Variants in KIAA0232 observed in about 807,000 individuals in gnomAD.
KIAA0232 encodes KIAA0232.
Under a neutral mutation model 122.0 loss-of-function variants are expected in KIAA0232, and 27 were observed. The observed-to-expected ratio is 0.22, with a 90% CI of 0.16 to 0.31. The LOEUF (loss-of-function observed/expected upper bound fraction) is 0.31, where lower values mean the gene tolerates loss of function less well. KIAA0232 is among the 10% of genes least tolerant of loss of function. The pLI is 1.00. For synonymous variants in KIAA0232, 613 were observed against 587.6 expected (o/e 1.04, Z -0.63); for missense variants, 1,551 against 1,634.2 (o/e 0.95, Z 0.88).
intron 1 of KIAA0232, among the ~76,000 whole-genome samples, chr4:6,803,143 T>G (rs142407135): frequency 0.012 from 1,774 of 150,766 alleles, 15 homozygotes; most frequent in South Asian, 0.023. Flanking sequence ...ATTGTACCAC[T>G]GCACCTCCAG....
At chr4:6,801,414 C>T (rs1196274409) in intron 1 of KIAA0232, among the ~76,000 whole-genome samples, 1 of 152,148 alleles carries the variant, frequency 6.6e-6, no homozygotes, top group Admixed American at 6.6e-5. Context: ...CTAGGCCAGG[C>T]ATGGTGGCTC....
chr4:6,822,316 A>G (rs1281714589), intron 2 of KIAA0232, among the ~76,000 whole-genome samples: 1 of 152,206 alleles, frequency 6.6e-6, no homozygotes, highest in Non-Finnish European at 1.5e-5. Context: ...GTGACACATT[A>G]ATTTAGTAAC....
intron 7 of KIAA0232, among the ~76,000 whole-genome samples, chr4:6,870,232 G>A (rs964774991): frequency 2.4e-4 from 36 of 152,344 alleles, no homozygotes; most frequent in Non-Finnish European, 3.8e-4. Flanking sequence ...GCAGGTGGGC[G>A]GGGCCCAGCC....
intron 1 of KIAA0232, among the ~76,000 whole-genome samples, chr4:6,792,026 G>A (rs1716917858): frequency 6.6e-6 from 1 of 152,162 alleles, no homozygotes; most frequent in African/African-American, 2.4e-5. Context: ...CACCATCCAT[G>A]TAAGAGGTGA....
chr4:6,883,993 T>C lies in KIAA0232; in HGVS notation c.*3027T>C, dbSNP rs1175502749. 1.3e-5 allele frequency: 2 copies of C among 152,238 alleles called. No homozygotes were observed. The highest frequency in any genetic ancestry group is 3.8e-4 in the East Asian group (2 of 5,200). 9.4% of individuals were successfully genotyped at this position (152,238 alleles called of 1,614,324 possible). A position where few individuals can be genotyped will look rare whatever the true frequency, so the allele number is the denominator to read the frequency against. On this transcript the variant is annotated 3_prime_UTR_variant, in exon 10 of 10. Transcript: ENST00000307659. Reference sequence around the variant, plus strand: ...TTATAGAACTACATAATTATTTTTATAGCTGTATTATGTAGATTTAACAGG... The same window carrying C: ...TTATAGAACTACATAATTATTTTTACAGCTGTATTATGTAGATTTAACAGG...
chr4:6,847,827 G>T (rs1720048692), intron 4 of KIAA0232, among the ~76,000 whole-genome samples: 1 of 149,490 alleles, frequency 6.7e-6, no homozygotes, highest in Non-Finnish European at 1.5e-5. Flanking sequence ...CCTGGTATTT[G>T]TTAAATATAT....
intron 8 of KIAA0232, 54 bp from the exon 9 acceptor site, chr4:6,876,606 T>G (rs1721769968): frequency 1.7e-6 from 2 of 1,168,850 alleles, no homozygotes; most frequent in Admixed American, 1.7e-5. Flanking sequence ...TAACTGTGTC[T>G]TAATGGAATT....
rs900605684 is a variant in KIAA0232 at position 6,870,483 on chromosome 4, A to G, written c.3802-1091A>G. On this transcript the variant is annotated intron_variant, in intron 7 of 9. Transcript: ENST00000307659. ...CACCTAAGCAAGATAATTTTAAGAC[A>G]CTTAGGTCAATAACTGTGCCTATAA... is the stretch of plus-strand genomic sequence containing the variant. Among the ~76,000 whole-genome samples, 8 of 152,202 alleles carry G rather than the reference A, an allele frequency of 5.3e-5. 1 individual carries two copies. The South Asian group carries it at 8.3e-4, about 16-fold the overall frequency.
chr4:6,810,339 T>A (rs1473387108), intron 2 of KIAA0232, among the ~76,000 whole-genome samples: 1 of 152,192 alleles, frequency 6.6e-6, no homozygotes, highest in African/African-American at 2.4e-5. Context: ...GGATACCCTC[T>A]TAAAGAAATG....
At chr4:6,794,415 G>C (rs1717041781) in intron 1 of KIAA0232, among the ~76,000 whole-genome samples, 1 of 152,214 alleles carries the variant, frequency 6.6e-6, no homozygotes, top group African/African-American at 2.4e-5. Flanking sequence ...TTCTCTTGAA[G>C]GGTGATCTGA....
intron 7 of KIAA0232, among the ~76,000 whole-genome samples, chr4:6,868,410 A>G (rs1175990741): frequency 6.6e-6 from 1 of 152,180 alleles, no homozygotes; most frequent in Non-Finnish European, 1.5e-5. Flanking sequence ...TAAGTTATAT[A>G]GTGTGTTACA....
chr4:6,841,690 A>C (rs1024882195), intron 3 of KIAA0232, among the ~76,000 whole-genome samples: 2 of 152,224 alleles, frequency 1.3e-5, no homozygotes, highest in African/African-American at 4.8e-5. Flanking sequence ...AATGAAATTA[A>C]GAAAAAACTC....
intron 3 of KIAA0232, among the ~76,000 whole-genome samples, chr4:6,840,504 C>T (rs1577389036): frequency 6.6e-6 from 1 of 152,182 alleles, no homozygotes; most frequent in South Asian, 2.1e-4. Flanking sequence ...TCCCAATCTC[C>T]CTTTTGATAA....
intron 1 of KIAA0232, among the ~76,000 whole-genome samples, chr4:6,791,083 T>A (rs1314546675): frequency 6.6e-6 from 1 of 150,962 alleles, no homozygotes; most frequent in Admixed American, 6.6e-5. Context: ...CATGCCCAGA[T>A]AATCTTTTGT....
chr4:6,849,553 T>G (rs1423867478), intron 4 of KIAA0232, among the ~76,000 whole-genome samples: 1 of 151,580 alleles, frequency 6.6e-6, no homozygotes, highest in African/African-American at 2.4e-5. Context: ...GAGGCAGAGG[T>G]TCCCGTGAGC....
intron 2 of KIAA0232, among the ~76,000 whole-genome samples, chr4:6,805,001 A>G (rs1717550288): frequency 6.6e-6 from 1 of 152,152 alleles, no homozygotes; most frequent in Admixed American, 6.6e-5. Context: ...AGGTTTCAAG[A>G]TGTCCTGCAA....
chr4:6,842,890 G>A (rs755603381), intron 4 of KIAA0232, among the ~76,000 whole-genome samples: 12 of 151,916 alleles, frequency 7.9e-5, no homozygotes, highest in African/African-American at 1.7e-4. Flanking sequence ...CGCCCGGCCC[G>A]CTCTTGATTT....
intron 1 of KIAA0232, among the ~76,000 whole-genome samples, chr4:6,799,528 CATAAA>C (rs1717282739): frequency 6.6e-6 from 1 of 151,850 alleles, no homozygotes; most frequent in African/African-American, 2.4e-5. Context: ...ATAAAACAAA[CATAAA>C]ATTCACGTCT....
chr4:6,822,621 G>T (rs1231251177), intron 2 of KIAA0232, among the ~76,000 whole-genome samples: 4 of 151,982 alleles, frequency 2.6e-5, no homozygotes, highest in Non-Finnish European at 4.4e-5. Context: ...CTAATATAAA[G>T]AATATTATGA....
Sources: allele counts gnomAD v4.1 joint callset (sites outside exome capture counted in the v4.1 genomes callset), GRCh38; gene constraint gnomAD v4.1.1; transcripts MANE v1.5; gene names NCBI Gene and HGNC (gene_info 2026-07-23, HGNC 2026-07-21).